TFB1M: variants seen among roughly 807,000 people sequenced by gnomAD.
TFB1M encodes the protein dimethyladenosine transferase 1, mitochondrial.
Under a neutral mutation model 31.1 loss-of-function variants are expected in TFB1M, and 27 were observed. The ratio of observed to expected loss-of-function variants is 0.87; its 90% CI spans 0.64 to 1.20. The LOEUF is 1.20. TFB1M is among the 50% of genes most tolerant of loss of function. TFB1M has a pLI of 0.00. For synonymous variants in TFB1M, 166 were observed against 151.8 expected (o/e 1.09, Z -0.69); for missense variants, 394 against 418.7 (o/e 0.94, Z 0.51).
At chr6:155,243,846 C>CAAAA in the TFB1M span, among the ~76,000 whole-genome samples, 83 of 55,044 alleles carry the variant, frequency 1.5e-3, no homozygotes, top group Admixed American at 2.8e-3. Context: ...GACTCCGTCT[C>CAAAA]AAAAAAAAAA....
chr6:155,290,824 A>G (rs1776890104), intron 4 of TFB1M, among the ~76,000 whole-genome samples: 1 of 152,220 alleles, frequency 6.6e-6, no homozygotes, highest in African/African-American at 2.4e-5. Flanking sequence ...ATGTGGTTTA[A>G]TAAGAAATAT....
chr6:155,249,013 A>G, the TFB1M span, among the ~76,000 whole-genome samples: 26 of 152,356 alleles, frequency 1.7e-4, no homozygotes, highest in South Asian at 8.3e-4. Context: ...GTTAACTTCT[A>G]TAAGTAAATA....
intron 5 of TFB1M, among the ~76,000 whole-genome samples, chr6:155,273,801 A>T (rs1328865904): frequency 6.6e-6 from 1 of 152,164 alleles, no homozygotes; most frequent in Non-Finnish European, 1.5e-5. Flanking sequence ...TCCTATCTGA[A>T]CATTCTGATC....
chr6:155,289,907 T>A (rs1776829668), intron 4 of TFB1M, among the ~76,000 whole-genome samples: 1 of 152,170 alleles, frequency 6.6e-6, no homozygotes, highest in South Asian at 2.1e-4. Context: ...CTCCCCACTC[T>A]CTTCCTACTG....
At chr6:155,262,159 G>A (rs937063638) in intron 5 of TFB1M, among the ~76,000 whole-genome samples, 1 of 152,112 alleles carries the variant, frequency 6.6e-6, no homozygotes, top group Admixed American at 6.5e-5. Context: ...CAGGGTGTAG[G>A]TGGGGTAGAT....
Position 155,298,671 on chromosome 6 carries a change from A to G in TFB1M, c.286-86T>C, listed in dbSNP as rs1016143862. On this transcript the variant is annotated intron_variant, in intron 2 of 6. Coordinates refer to ENST00000367166, the MANE Select transcript of TFB1M (RefSeq NM_016020.4). ...CTTTTTAAACCTGTGCATTTAAAAA[A>G]TCAGTTAAAAAAGTCAGAGACCAGG... The G allele has an allele frequency of 2.0e-5, 18 of 914,016 alleles. No individual in the cohort carries two copies. The South Asian group carries it at 2.1e-4, about 11-fold the overall frequency. 56.6% of individuals were successfully genotyped at this position (914,016 alleles called of 1,614,324 possible). A position where few individuals can be genotyped will look rare whatever the true frequency, so the allele number is the denominator to read the frequency against.
chr6:155,262,308 T>C (rs1377910049), intron 5 of TFB1M, among the ~76,000 whole-genome samples: 3 of 152,296 alleles, frequency 2.0e-5, no homozygotes, highest in African/African-American at 7.2e-5. Context: ...GTCAGGTTCC[T>C]TCCCACAAAC....
At chr6:155,285,772 T>C (rs1340939147) in intron 4 of TFB1M, among the ~76,000 whole-genome samples, 1 of 152,232 alleles carries the variant, frequency 6.6e-6, no homozygotes, top group Admixed American at 6.5e-5. Context: ...TTGGCTGTTC[T>C]TGACAAATAA....
chr6:155,260,368 C>T lies in TFB1M; in HGVS notation c.699G>A (p.Leu233=). The change falls in exon 6 of 7, where the codon TTG becomes TTA. Residue 233 remains leucine, a synonymous_variant. Transcript: ENST00000367166. ...ATGGCTGCTCTATCTTGGGCTGTATCAAGGGAGTGAAGTGCACCACGCCCA... is the reference window on the plus strand; with the variant it reads ...ATGGCTGCTCTATCTTGGGCTGTATTAAGGGAGTGAAGTGCACCACGCCCA... ...VDVGVVHFTP[L]IQPKIEQPFK... is the part of the protein sequence containing the mutation. The T allele has an allele frequency of 6.2e-7, 1 of 1,614,208 alleles. No homozygotes were observed. The highest frequency in any genetic ancestry group is 2.2e-5 in the East Asian group (1 of 44,882).
chr6:155,247,336 T>C, the TFB1M span, among the ~76,000 whole-genome samples: 7 of 148,520 alleles, frequency 4.7e-5, no homozygotes, highest in Non-Finnish European at 1.1e-4. Flanking sequence ...TTTTTTGATG[T>C]TGTTTTTTTT....
chr6:155,237,986 T>C, the TFB1M span, among the ~76,000 whole-genome samples: 1 of 152,222 alleles, frequency 6.6e-6, no homozygotes, highest in African/African-American at 2.4e-5. Flanking sequence ...CTTCAGAAAA[T>C]GGGATTTTCT....
the TFB1M span, among the ~76,000 whole-genome samples, chr6:155,241,646 T>A: frequency 6.6e-6 from 1 of 152,220 alleles, no homozygotes; most frequent in South Asian, 2.1e-4. Flanking sequence ...GGACTTCACC[T>A]AAGGCCCTAT....
At chr6:155,308,284 T>C (rs535005207) in intron 2 of TFB1M, among the ~76,000 whole-genome samples, 10 of 152,346 alleles carry the variant, frequency 6.6e-5, no homozygotes, top group Non-Finnish European at 1.3e-4. Flanking sequence ...AATGTTTCCA[T>C]AGCACTGGAG....
At chr6:155,244,291 G>A in the TFB1M span, among the ~76,000 whole-genome samples, 1 of 152,188 alleles carries the variant, frequency 6.6e-6, no homozygotes, top group Non-Finnish European at 1.5e-5. Context: ...AAAGGCAGAG[G>A]GACGGTTATG....
downstream of TFB1M, chr6:155,253,364 A>G (rs1783789462): frequency 3.3e-6 from 1 of 305,740 alleles, no homozygotes; most frequent in East Asian, 6.5e-5. Context: ...CCACAAATTT[A>G]TGTTTTTACA....
At chr6:155,274,320 A>G (rs1200959781) in intron 5 of TFB1M, among the ~76,000 whole-genome samples, 1 of 152,272 alleles carries the variant, frequency 6.6e-6, no homozygotes, top group African/African-American at 2.4e-5. Context: ...TGGGCTAGAT[A>G]GGGGAACAGG....
intron 5 of TFB1M, among the ~76,000 whole-genome samples, chr6:155,262,621 A>C (rs1173732139): frequency 6.6e-6 from 1 of 152,212 alleles, no homozygotes; most frequent in African/African-American, 2.4e-5. Context: ...ATAAAATCTA[A>C]TCCCTGCCTA....
intron 4 of TFB1M, among the ~76,000 whole-genome samples, chr6:155,291,285 G>A (rs1776912977): frequency 6.6e-6 from 1 of 152,162 alleles, no homozygotes; most frequent in South Asian, 2.1e-4. Context: ...ATTGCTTGGT[G>A]TGGAAAAAAC....
At chr6:155,246,786 C>A in the TFB1M span, among the ~76,000 whole-genome samples, 1 of 152,212 alleles carries the variant, frequency 6.6e-6, no homozygotes, top group Non-Finnish European at 1.5e-5. Flanking sequence ...GTCCTGTCAC[C>A]ACCTACTTGG....
Sources: gnomAD v4.1 joint callset for allele counts (sites outside exome capture counted in the v4.1 genomes callset) on GRCh38, gnomAD v4.1.1 for gene constraint, MANE v1.5 for transcripts, NCBI Gene and HGNC (gene_info 2026-07-23, HGNC 2026-07-21) for gene names.